DOCK11: variants seen among roughly 807,000 people sequenced by gnomAD.
DOCK11 encodes dedicator of cytokinesis 11, also known as dedicator of cytokinesis protein 11.
Under a neutral mutation model 169.1 loss-of-function variants are expected in DOCK11, and 70 were observed. That is an observed-to-expected ratio of 0.41 (90% confidence interval 0.34 to 0.51). The LOEUF (loss-of-function observed/expected upper bound fraction) is 0.51, where lower values mean the gene tolerates loss of function less well. DOCK11 is among the 20% of genes least tolerant of loss of function. The pLI is 0.10. For synonymous variants in DOCK11, 529 were observed against 541.3 expected, an observed-to-expected ratio of 0.98 and a Z score of 0.32; for missense variants, 1,166 against 1,538.8, an observed-to-expected ratio of 0.76 and a Z score of 4.05.
At chrX:118,567,054 A>G (rs1414411024) in intron 9 of DOCK11, among the ~76,000 whole-genome samples, 4 of 112,262 alleles carry the variant, frequency 3.6e-5, no homozygotes, top group Non-Finnish European at 7.5e-5. Context: ...CATATTCTCT[A>G]TATGTAAATA....
intron 1 of DOCK11, among the ~76,000 whole-genome samples, chrX:118,526,276 A>G (rs772564006): frequency 1.1e-4 from 12 of 112,174 alleles, no homozygotes; most frequent in Admixed American, 2.8e-4. Context: ...ACATTTAGCC[A>G]TATTGAATCA....
At chrX:118,597,891 G>A in intron 21 of DOCK11, 139 bp from the exon 22 acceptor site, 1 of 396,359 alleles carries the variant, frequency 2.5e-6, no homozygotes, top group Non-Finnish European at 4.2e-6. Flanking sequence ...TATTCTAAAG[G>A]CAGGGTATTT....
chrX:118,569,323 C>T (rs1383973564), intron 10 of DOCK11: 2 of 110,428 alleles, frequency 1.8e-5, no homozygotes, highest in Non-Finnish European at 3.8e-5. Flanking sequence ...AACTCCCAAC[C>T]TCAGATGATC....
chrX:118,683,171 A>T lies in DOCK11; in HGVS notation c.6056A>T (p.Asn2019Ile). The T allele has an allele frequency of 8.3e-7, 1 of 1,211,276 alleles. No individual in the cohort carries two copies. The highest frequency in any genetic ancestry group is 1.1e-6 in the Non-Finnish European group (1 of 895,203). ...GAGTACCATGAAGGGCTAAAGTCAA[A>T]TTTCAGAGACATGGTAAAAGAATTA... ...QVEYHEGLKS[N>I]FRDMVKELSD... Residue 2019 changes from asparagine to isoleucine, a missense_variant, in exon 52 of 53, where the codon AAT becomes ATT. Physicochemically the swap from Asn to Ile is moderately radical, Grantham distance 149. Coordinates refer to ENST00000276202, the MANE Select transcript of DOCK11 (RefSeq NM_144658.4).
In DOCK11 at chrX:118,545,304, A is replaced by G; in HGVS notation, c.393-19A>G. The G allele has an allele frequency of 8.7e-7, 1 of 1,150,526 alleles. No homozygotes were observed. Among genetic ancestry groups the G allele is most frequent in the Non-Finnish European group, 1.2e-6 (1 of 851,703 alleles). The allele number at this position is 1,150,526 out of a possible 1,213,427, so 94.8% of individuals were successfully genotyped here. On this transcript the variant is annotated intron_variant, in intron 4 of 52. Transcript: ENST00000276202. ...TTTTGGTCTTTTTAGTGTCTAAGAC[A>G]GTTCTCTTATATTTGCAGTAAATCT...
chrX:118,659,020 T>C (rs779457772), intron 44 of DOCK11, among the ~76,000 whole-genome samples: 1 of 111,974 alleles, frequency 8.9e-6, no homozygotes, highest in South Asian at 3.7e-4. Context: ...TCCCAAGACG[T>C]GGTATCCAGG....
At chrX:118,637,608 C>T (rs1441587898) in intron 36 of DOCK11, among the ~76,000 whole-genome samples, 1 of 110,609 alleles carries the variant, frequency 9.0e-6, no homozygotes, top group African/African-American at 3.3e-5. Flanking sequence ...AAAAATAAAA[C>T]ATTAGCTGGG....
intron 9 of DOCK11, among the ~76,000 whole-genome samples, chrX:118,567,556 C>T (rs762500925): frequency 9.1e-6 from 1 of 109,541 alleles, no homozygotes; most frequent in South Asian, 4.0e-4. Context: ...CCTCAGCCTC[C>T]TGAGTAACTA....
At chrX:118,524,484 A>G (rs1266360073) in intron 1 of DOCK11, among the ~76,000 whole-genome samples, 2 of 111,990 alleles carry the variant, frequency 1.8e-5, no homozygotes, top group Non-Finnish European at 1.9e-5. Context: ...TGTAAAGCAT[A>G]TATCTGATAA....
intron 20 of DOCK11, among the ~76,000 whole-genome samples, chrX:118,595,880 G>T (rs2014150130): frequency 9.0e-6 from 1 of 111,412 alleles, no homozygotes; most frequent in Non-Finnish European, 1.9e-5. Context: ...GAGACAGAAA[G>T]TAGACTATCG....
At chrX:118,579,284 A>G (rs1328782931) in intron 13 of DOCK11, among the ~76,000 whole-genome samples, 1 of 111,841 alleles carries the variant, frequency 8.9e-6, no homozygotes, top group Non-Finnish European at 1.9e-5. Context: ...GAAAATTGTG[A>G]AATTGTGAAA....
Position 118,545,366 on chromosome X carries a change from A to G in DOCK11, c.436A>G (p.Ile146Val), listed in dbSNP as rs377007516. 38 of 1,197,551 alleles carry G rather than the reference A, an allele frequency of 3.2e-5. No individual in the cohort carries two copies. The highest frequency in any genetic ancestry group is 4.0e-5 in the Non-Finnish European group (36 of 889,664). ...PEKIPNHVFE[I>V]DEDCEKDEDS... ...AAAGATTCCTAATCATGTATTTGAG[A>G]TAGATGAAGACTGTGAGAAAGATGA... The change falls in exon 5 of 53, where the codon ATA becomes GTA. Residue 146 changes from isoleucine (I) to valine (V), a missense_variant. Ile to Val is a conservative substitution (Grantham distance 29). Transcript: ENST00000276202.
In DOCK11 at chrX:118,585,180, A is replaced by G; in HGVS notation, c.1795+63A>G. 4 of 1,033,838 alleles carry G rather than the reference A, an allele frequency of 3.9e-6. No homozygotes were observed. The Admixed American group carries it at 6.8e-5, about 18-fold the overall frequency. The allele number at this position is 1,033,838 out of a possible 1,213,427, so 85.2% of individuals were successfully genotyped here. A position where few individuals can be genotyped will look rare whatever the true frequency, so the allele number is the denominator to read the frequency against. On this transcript the variant is annotated intron_variant, in intron 16 of 52. Transcript: ENST00000276202. Reference sequence around the variant, plus strand: ...TTGAATGTCAGGTTGTTATCCTTTCAATATTTTTCTTGAGGTTTACGTGGC... The same window carrying G: ...TTGAATGTCAGGTTGTTATCCTTTCGATATTTTTCTTGAGGTTTACGTGGC...
Position 118,580,738 on chromosome X carries a change from T to C in DOCK11, c.1595+559T>C, listed in dbSNP as rs183343991. ...ACTGCTCTGACTGACACCACTTAAT[T>C]TTACTGCATTTAAAAGCAGAATTTA... On this transcript the variant is annotated intron_variant, in intron 14 of 52. Coordinates refer to ENST00000276202, the MANE Select transcript of DOCK11 (RefSeq NM_144658.4). 1.7e-3 allele frequency among the ~76,000 whole-genome samples: 185 copies of C among 111,980 alleles called. 1 individual carries two copies. Among genetic ancestry groups the C allele is most frequent in the African/African-American group, 5.6e-3 (171 of 30,804 alleles).
intron 44 of DOCK11, among the ~76,000 whole-genome samples, chrX:118,657,302 C>G (rs2016097881): frequency 9.0e-6 from 1 of 111,385 alleles, no homozygotes; most frequent in South Asian, 3.7e-4. Flanking sequence ...TCAAAGCACT[C>G]TTCACTAATG....
rs752533470 is a variant in DOCK11, at chrX:118,680,675, G to A, written c.5654G>A (p.Arg1885His). ...GGCTGTATAGAAGAACAGTGCAAAC[G>A]CCGTACAATCTTGACAAGTAAGTAC... is the stretch of plus-strand genomic sequence containing the variant. Reference protein sequence around the residue: ...KQGCIEEQCKRRTILTTSNSF... With the variant: ...KQGCIEEQCKHRTILTTSNSF... Residue 1885 changes from arginine to histidine, a missense_variant, in exon 49 of 53, where the codon CGC (arginine) becomes CAC (histidine). Physicochemically the swap from Arg to His is conservative, Grantham distance 29. Transcript: ENST00000276202. 18 of 1,188,925 alleles carry A rather than the reference G, an allele frequency of 1.5e-5. No individual in the cohort carries two copies. The highest frequency in any genetic ancestry group is 3.0e-5 in the East Asian group (1 of 32,906).
intron 12 of DOCK11, among the ~76,000 whole-genome samples, chrX:118,578,274 G>T (rs929781625): frequency 1.8e-5 from 2 of 111,627 alleles, no homozygotes; most frequent in African/African-American, 3.3e-5. Flanking sequence ...AACCAAAGAG[G>T]CAAAGCAGCA....
At position 118,584,717 on chromosome X, in the gene DOCK11, C is replaced by A; in HGVS notation, c.1596-18C>A. The stretch of plus-strand genomic sequence containing the variant: ...TGGAATTTTTTTTTTTAAAAAAATG[C>A]TTCTGTTGCTGTTTTAGACCCATTT... On this transcript the variant is annotated intron_variant, in intron 14 of 52. Transcript: ENST00000276202. 9.1e-7 allele frequency: 1 copy of A among 1,100,709 alleles called. No individual in the cohort carries two copies. Among genetic ancestry groups the A allele is most frequent in the Non-Finnish European group, 1.2e-6 (1 of 838,191 alleles). 90.7% of individuals were successfully genotyped at this position (1,100,709 alleles called of 1,213,427 possible).
chrX:118,624,601 A>G lies in DOCK11; in HGVS notation c.3534A>G (p.Ile1178Met), dbSNP rs1167255119. 1 of 1,210,286 alleles carries G rather than the reference A, an allele frequency of 8.3e-7. No individual in the cohort carries two copies. Among genetic ancestry groups the G allele is most frequent in the East Asian group, 3.0e-5 (1 of 33,832 alleles). Residue 1178 changes from isoleucine to methionine, a missense_variant, in exon 32 of 53, where the codon ATA (isoleucine) becomes ATG (methionine). Ile to Met is a conservative substitution (Grantham distance 10, BLOSUM62 1). Coordinates refer to ENST00000276202, the MANE Select transcript of DOCK11 (RefSeq NM_144658.4). ...LPFVGLLLEN[I>M]QRLAGRDTLY... Reference sequence around the variant, plus strand: ...TTGTTGGACTACTTTTGGAAAATATACAGCGATTAGCAGGTCGAGATACCT... The same window carrying G: ...TTGTTGGACTACTTTTGGAAAATATGCAGCGATTAGCAGGTCGAGATACCT...
Sources: allele counts gnomAD v4.1 joint callset (sites outside exome capture counted in the v4.1 genomes callset), GRCh38; gene constraint gnomAD v4.1.1; transcripts MANE v1.5; gene names NCBI Gene and HGNC (gene_info 2026-07-23, HGNC 2026-07-21).